UNC13C: variants seen among roughly 807,000 people sequenced by gnomAD.
UNC13C encodes the protein protein unc-13 homolog C.
A neutral mutation model predicts 245.4 loss-of-function variants in UNC13C; 174 were observed. The ratio of observed to expected loss-of-function variants is 0.71; its 90% CI spans 0.63 to 0.80. The LOEUF is 0.80. Ranked by LOEUF, UNC13C falls within the 30% of genes least tolerant of loss-of-function variation. The pLI, the probability that UNC13C is intolerant of heterozygous loss-of-function variation, is 0.00. For synonymous variants in UNC13C, 992 were observed against 895.1 expected, an observed-to-expected ratio of 1.11 and a Z score of -1.93; for missense variants, 2,829 against 2,602.9, an observed-to-expected ratio of 1.09 and a Z score of -1.89.
chr15:53,846,688 T>TA, the UNC13C span, among the ~76,000 whole-genome samples: 1 of 152,184 alleles, frequency 6.6e-6, no homozygotes, highest in Non-Finnish European at 1.5e-5. Flanking sequence ...GACAAATTTT[T>TA]AAAAAAATTG....
chr15:54,009,175 G>T (rs1472545514), intron 1 of UNC13C, among the ~76,000 whole-genome samples: 9 of 152,180 alleles, frequency 5.9e-5, no homozygotes, highest in Non-Finnish European at 1.2e-4. Flanking sequence ...TTAGGAAATT[G>T]TTGCTGGATC....
At chr15:54,313,409 A>C in intron 13 of UNC13C, among the ~76,000 whole-genome samples, 1 of 151,972 alleles carries the variant, frequency 6.6e-6, no homozygotes, top group South Asian at 2.1e-4. Context: ...ATTAGTATGC[A>C]CAAGAAAACA....
rs539707141 is a variant in UNC13C at position 54,566,921 on chromosome 15, T to C, written c.5959-879T>C. ...GCCACAGTTACTAGTGAGTGCTTTG[T>C]TTCCTCTAGCATTGTTGGTACGGGA... On this transcript the variant is annotated intron_variant, in intron 29 of 32. Transcript: ENST00000260323. Among the ~76,000 whole-genome samples, 34 of 152,232 alleles carry C rather than the reference T, an allele frequency of 2.2e-4. No homozygotes were observed. In the South Asian group the frequency reaches 6.2e-3, roughly 28 times the overall value.
chr15:54,435,519 T>C (rs900246695), intron 19 of UNC13C, among the ~76,000 whole-genome samples: 2 of 150,290 alleles, frequency 1.3e-5, no homozygotes, highest in Non-Finnish European at 3.0e-5. Flanking sequence ...TAAGTGGGAG[T>C]TGAACAATGA....
intron 26 of UNC13C, among the ~76,000 whole-genome samples, chr15:54,535,257 G>T (rs1001996452): frequency 2.6e-5 from 4 of 151,910 alleles, no homozygotes; most frequent in African/African-American, 7.3e-5. Flanking sequence ...AACAAACAAT[G>T]ATCCAAAAAA....
At chr15:53,908,728 GGTGAC>G in the UNC13C span, among the ~76,000 whole-genome samples, 1 of 112,742 alleles carries the variant, frequency 8.9e-6, no homozygotes, top group Admixed American at 1.1e-4. Context: ...CTCCAGTCTG[GGTGAC>G]AGAATGAGAA....
chr15:54,081,701 T>C (rs887881957), intron 2 of UNC13C, among the ~76,000 whole-genome samples: 1 of 152,124 alleles, frequency 6.6e-6, no homozygotes, highest in African/African-American at 2.4e-5. Flanking sequence ...AATATGGGAC[T>C]CTTGAAGGCA....
intron 4 of UNC13C, among the ~76,000 whole-genome samples, chr15:54,207,386 C>T (rs2034749698): frequency 6.6e-6 from 1 of 152,014 alleles, no homozygotes; most frequent in Non-Finnish European, 1.5e-5. Flanking sequence ...CTCATGTCCT[C>T]AGTTGTCATG....
At chr15:54,318,398 A>G (rs2038064109) in intron 13 of UNC13C, among the ~76,000 whole-genome samples, 1 of 151,756 alleles carries the variant, frequency 6.6e-6, no homozygotes, top group African/African-American at 2.4e-5. Context: ...CTTACCTCTT[A>G]TCTTTTGGGT....
At chr15:53,951,095 C>A in the UNC13C span, among the ~76,000 whole-genome samples, 1 of 152,142 alleles carries the variant, frequency 6.6e-6, no homozygotes, top group Non-Finnish European at 1.5e-5. Context: ...TTTAGGACCT[C>A]ATTTCTAAGG....
chr15:53,924,068 G>T, the UNC13C span, among the ~76,000 whole-genome samples: 3 of 152,200 alleles, frequency 2.0e-5, no homozygotes, highest in South Asian at 6.2e-4. Flanking sequence ...TTAGCCGGGT[G>T]TAGTGGTGGG....
At chr15:54,206,046 T>A (rs777989030) in intron 4 of UNC13C, among the ~76,000 whole-genome samples, 10 of 152,092 alleles carry the variant, frequency 6.6e-5, no homozygotes, top group Non-Finnish European at 1.5e-4. Context: ...AAAAATAATA[T>A]AATGAAATCA....
In UNC13C at chr15:54,354,891, A is replaced by G. The variant is rs548864666; in HGVS notation, c.4713+16402A>G. ...TAATCCCCGATGTGGCAGTATTGAC[A>G]GATGAGGCCCTTAAGAGGTGATTGG... On this transcript the variant is annotated intron_variant, in intron 17 of 32. Coordinates refer to ENST00000260323, the MANE Select transcript of UNC13C (RefSeq NM_001080534.3). Among the ~76,000 whole-genome samples the G allele has an allele frequency of 2.6e-5, 4 of 152,338 alleles. No homozygotes were observed. The South Asian group carries it at 8.3e-4, about 32-fold the overall frequency.
chr15:54,491,725 G>A (rs994087358), intron 19 of UNC13C, among the ~76,000 whole-genome samples: 1 of 152,038 alleles, frequency 6.6e-6, no homozygotes, highest in Non-Finnish European at 1.5e-5. Flanking sequence ...ACACCTGGCC[G>A]GGCACGGTGG....
intron 17 of UNC13C, among the ~76,000 whole-genome samples, chr15:54,347,432 T>A (rs1203229130): frequency 6.6e-6 from 1 of 152,220 alleles, no homozygotes; most frequent in Non-Finnish European, 1.5e-5. Context: ...AATTTTAAGT[T>A]GTTTATTGAA....
intron 19 of UNC13C, among the ~76,000 whole-genome samples, chr15:54,460,301 G>A (rs1200927251): frequency 6.6e-6 from 1 of 152,246 alleles, no homozygotes; most frequent in African/African-American, 2.4e-5. Context: ...GGTGGCACAG[G>A]AGTTAAGTGG....
chr15:54,340,684 T>TATGG (rs1445449017), intron 17 of UNC13C, among the ~76,000 whole-genome samples: 1 of 152,208 alleles, frequency 6.6e-6, no homozygotes, highest in East Asian at 1.9e-4. Flanking sequence ...TTTTGGTGAC[T>TATGG]ATGGCCTTAC....
chr15:53,855,612 A>G, the UNC13C span, among the ~76,000 whole-genome samples: 37 of 152,314 alleles, frequency 2.4e-4, no homozygotes, highest in African/African-American at 8.7e-4. Context: ...TGATCTGCCT[A>G]TGTTAAACCA....
intron 2 of UNC13C, among the ~76,000 whole-genome samples, chr15:54,101,693 G>A (rs1318023043): frequency 6.6e-6 from 1 of 151,926 alleles, no homozygotes; most frequent in Non-Finnish European, 1.5e-5. Context: ...CGATTCTCCT[G>A]CTTCAGCCTC....
Sources: allele counts gnomAD v4.1 joint callset (sites outside exome capture counted in the v4.1 genomes callset), GRCh38; gene constraint gnomAD v4.1.1; transcripts MANE v1.5; gene names NCBI Gene and HGNC (gene_info 2026-07-23, HGNC 2026-07-21).